Variants in TRIM38 observed in about 807,000 individuals in gnomAD.
The protein encoded by TRIM38 is E3 ubiquitin-protein ligase TRIM38.
A neutral mutation model predicts 35.8 loss-of-function variants in TRIM38; 35 were observed. The ratio of observed to expected loss-of-function variants is 0.98; its 90% CI spans 0.75 to 1.30. The LOEUF is 1.30. Ranked by LOEUF, TRIM38 falls within the 50% of genes most tolerant of loss-of-function variation. The probability of loss-of-function intolerance (pLI) is 0.00; values close to 1 mark genes in which losing one functional copy is unlikely to be tolerated. For synonymous variants in TRIM38, 198 were observed against 204.7 expected (o/e 0.97, Z 0.28); for missense variants, 545 against 556.9 (o/e 0.98, Z 0.21).
intron 3 of TRIM38, among the ~76,000 whole-genome samples, chr6:25,967,171 T>C (rs1760084659): frequency 6.6e-6 from 1 of 152,232 alleles, no homozygotes; most frequent in South Asian, 2.1e-4. Context: ...ATGAATTTCT[T>C]TTTGCTTTAG....
chr6:25,974,113 G>T (rs556207053), intron 7 of TRIM38, among the ~76,000 whole-genome samples: 1 of 152,358 alleles, frequency 6.6e-6, no homozygotes, highest in African/African-American at 2.4e-5. Flanking sequence ...GCACAGCTTA[G>T]TTGGGCCTGC....
Position 25,983,329 on chromosome 6 carries a change from G to A in TRIM38, c.1040G>A (p.Arg347His), listed in dbSNP as rs1464242427. Residue 347 changes from arginine (R) to histidine (H), a missense_variant, in exon 8 of 8, where the codon CGT becomes CAT. Arg to His is a conservative substitution (Grantham distance 29, BLOSUM62 0). Coordinates refer to ENST00000357085, the MANE Select transcript of TRIM38 (RefSeq NM_006355.5). ...LGCEGFTSGR[R>H]YFEVDVGEGT... ...TGTGAAGGCTTCACCTCAGGAAGAC[G>A]TTACTTTGAAGTGGATGTTGGCGAA... 3.7e-6 allele frequency: 6 copies of A among 1,613,984 alleles called. No individual in the cohort carries two copies. The highest frequency in any genetic ancestry group is 2.7e-5 in the African/African-American group (2 of 74,910).
chr6:25,969,941 C>G (rs1760177269), intron 4 of TRIM38, among the ~76,000 whole-genome samples: 1 of 151,998 alleles, frequency 6.6e-6, no homozygotes, highest in Admixed American at 6.6e-5. Context: ...TAAATTATTA[C>G]TATTTTTTGA....
chr6:25,977,130 G>A (rs1464431215), intron 7 of TRIM38, among the ~76,000 whole-genome samples: 1 of 152,180 alleles, frequency 6.6e-6, no homozygotes, highest in Non-Finnish European at 1.5e-5. Context: ...GATAAATAGG[G>A]TTTCAAAATT....
At chr6:25,971,809 T>G in intron 4 of TRIM38, 60 bp from the exon 5 acceptor site, 1 of 1,404,876 alleles carries the variant, frequency 7.1e-7, no homozygotes, top group Non-Finnish European at 1.0e-6. Context: ...GTTTATCCAT[T>G]CATCCATAGA....
At chr6:25,971,793 A>G (rs1464957544) in intron 4 of TRIM38, 76 bp from the exon 5 acceptor site, 1 of 1,295,638 alleles carries the variant, frequency 7.7e-7, no homozygotes, top group Middle Eastern at 2.0e-4. Context: ...TCAGACTTTC[A>G]TTCTTGTTTA....
At chr6:25,963,649 C>T (rs1039435253) in intron 2 of TRIM38, among the ~76,000 whole-genome samples, 1 of 152,206 alleles carries the variant, frequency 6.6e-6, no homozygotes, top group Non-Finnish European at 1.5e-5. Flanking sequence ...ATAGAAATAA[C>T]TGCTCCTCAG....
At chr6:25,974,759 T>C (rs1186840418) in intron 7 of TRIM38, 1 of 475,202 alleles carries the variant, frequency 2.1e-6, no homozygotes, top group Non-Finnish European at 2.7e-6. Context: ...TTTTTGCCTT[T>C]ATAACTTCTA....
Position 25,983,141 on chromosome 6 carries a change from GTTTGT to G in TRIM38, c.875-8_875-4del. ...TCTTCACAGCAACAAAATTATTTTT[GTTTGT>G]TTTGTTTTGTTTTGCAGTTAGTGTG... On this transcript the variant is annotated intron_variant, in intron 7 of 7. Transcript: ENST00000357085. 2.6e-6 allele frequency: 4 copies of G among 1,534,202 alleles called. No individual in the cohort carries two copies. Among genetic ancestry groups the G allele is most frequent in the African/African-American group, 1.4e-5 (1 of 71,996 alleles).
In TRIM38 at chr6:25,984,342, A is replaced by G. The variant is rs1443760941; in HGVS notation, c.*655A>G. On this transcript the variant is annotated 3_prime_UTR_variant, in exon 8 of 8. Coordinates refer to ENST00000357085, the MANE Select transcript of TRIM38 (RefSeq NM_006355.5). ...TCTGGAAAAGAATTTGGTATTTTCC[A>G]GTCTGCTAGGACCAATTACCTTGAA... 1.3e-5 allele frequency: 2 copies of G among 152,388 alleles called. No individual in the cohort carries two copies. Among genetic ancestry groups the G allele is most frequent in the African/African-American group, 4.8e-5 (2 of 41,466 alleles). The allele number at this position is 152,388 out of a possible 1,614,324, so 9.4% of individuals were successfully genotyped here.
At chr6:25,971,846 T>C in intron 4 of TRIM38, 23 bp from the exon 5 acceptor site, 3 of 1,602,688 alleles carry the variant, frequency 1.9e-6, no homozygotes, top group African/African-American at 1.3e-5. Flanking sequence ...TTCCACCTTT[T>C]GACCATACTT....
At chr6:25,982,676 C>T (rs754247504) in intron 7 of TRIM38, among the ~76,000 whole-genome samples, 8 of 152,232 alleles carry the variant, frequency 5.3e-5, no homozygotes, top group Admixed American at 3.3e-4. Flanking sequence ...GCAACAAATA[C>T]GGTAATTTCC....
At chr6:25,979,044 G>C (rs1402508079) in intron 7 of TRIM38, among the ~76,000 whole-genome samples, 1 of 151,800 alleles carries the variant, frequency 6.6e-6, no homozygotes, top group East Asian at 1.9e-4. Flanking sequence ...ATTAAAGATT[G>C]GGTTTTCATT....
chr6:25,979,490 T>C (rs1760486993), intron 7 of TRIM38, among the ~76,000 whole-genome samples: 1 of 152,162 alleles, frequency 6.6e-6, no homozygotes, highest in Non-Finnish European at 1.5e-5. Context: ...TTATCAGTAC[T>C]TTCAATTTTA....
chr6:25,988,371 G>T lies in TRIM38; in HGVS notation c.*4684G>T, dbSNP rs1281678834. 3 of 151,862 alleles carry T rather than the reference G, an allele frequency of 2.0e-5. No individual in the cohort carries two copies. The highest frequency in any genetic ancestry group is 4.4e-5 in the Non-Finnish European group (3 of 68,010). 9.4% of individuals were successfully genotyped at this position (151,862 alleles called of 1,614,324 possible). On this transcript the variant is annotated 3_prime_UTR_variant, in exon 8 of 8. Transcript: ENST00000357085. ...TTTTTGGCTTGCTTGCCCTGCATCAGTTGGAGTCATATAGTATGCAGTCTT... is the reference window on the plus strand; with the variant it reads ...TTTTTGGCTTGCTTGCCCTGCATCATTTGGAGTCATATAGTATGCAGTCTT...
intron 7 of TRIM38, chr6:25,973,985 A>G (rs1760316629): frequency 1.9e-6 from 1 of 524,020 alleles, no homozygotes; most frequent in African/African-American, 2.1e-5. Flanking sequence ...AATCTGGCCT[A>G]ACCTGAAATG....
intron 5 of TRIM38, 53 bp from the exon 6 acceptor site, chr6:25,973,001 C>A: frequency 6.2e-7 from 1 of 1,611,306 alleles, no homozygotes; most frequent in South Asian, 1.1e-5. Context: ...CATGACAAGC[C>A]CCATGAAATA....
rs146076775 is a variant in TRIM38, at chr6:25,983,199, G to A, written c.910G>A (p.Glu304Lys). 5.0e-6 allele frequency: 8 copies of A among 1,609,168 alleles called. No homozygotes were observed. The highest frequency in any genetic ancestry group is 1.3e-5 in the African/African-American group (1 of 74,738). Residue 304 changes from glutamate (E) to lysine (K), a missense_variant, in exon 8 of 8, where the codon GAA becomes AAA. Glu to Lys is a moderately conservative substitution (Grantham distance 56, BLOSUM62 1). Coordinates refer to ENST00000357085, the MANE Select transcript of TRIM38 (RefSeq NM_006355.5). Reference sequence around the variant, plus strand: ...TCTGGATCCAGATACAGCTCATCACGAACTAATTCTCTCTGAGGATCGGAG... The same window carrying A: ...TCTGGATCCAGATACAGCTCATCACAAACTAATTCTCTCTGAGGATCGGAG... Reference protein sequence around the residue: ...VTLDPDTAHHELILSEDRRQV... With the variant: ...VTLDPDTAHHKLILSEDRRQV...
chr6:25,980,561 C>G (rs1760516453), intron 7 of TRIM38, among the ~76,000 whole-genome samples: 1 of 152,094 alleles, frequency 6.6e-6, no homozygotes, highest in Non-Finnish European at 1.5e-5. Context: ...GCTGGGATTA[C>G]AGGCATGTGC....
Sources: gnomAD v4.1 joint callset for allele counts (sites outside exome capture counted in the v4.1 genomes callset) on GRCh38, gnomAD v4.1.1 for gene constraint, MANE v1.5 for transcripts, NCBI Gene and HGNC (gene_info 2026-07-23, HGNC 2026-07-21) for gene names.